TMEM53: variants seen among roughly 807,000 people sequenced by gnomAD.
TMEM53 encodes the protein novel DUF829 domain-containing protein.
In TMEM53, 14 loss-of-function variants were observed where a neutral mutation model predicts 21.4. The ratio of observed to expected loss-of-function variants is 0.65; its 90% CI spans 0.43 to 1.02. The LOEUF is 1.02. Ranked by LOEUF, TMEM53 falls within the 50% of genes least tolerant of loss-of-function variation. The pLI, the probability that TMEM53 is intolerant of heterozygous loss-of-function variation, is 0.00. For synonymous variants in TMEM53, 148 were observed against 157.4 expected (o/e 0.94, Z 0.45); for missense variants, 323 against 383.6 (o/e 0.84, Z 1.32).
intron 1 of TMEM53, among the ~76,000 whole-genome samples, chr1:44,671,337 A>G (rs574709834): frequency 5.9e-5 from 9 of 152,350 alleles, no homozygotes; most frequent in African/African-American, 2.2e-4. Context: ...AGCCTGACCT[A>G]CAAGGCCCAG....
intron 2 of TMEM53, among the ~76,000 whole-genome samples, chr1:44,659,098 AAC>A (rs1644876015): frequency 6.6e-6 from 1 of 152,200 alleles, no homozygotes; most frequent in South Asian, 2.1e-4. Context: ...TGTAAAAAGC[AAC>A]ACCAGAGCCC....
chr1:44,672,701 G>A (rs539565431), intron 1 of TMEM53, among the ~76,000 whole-genome samples: 1 of 151,860 alleles, frequency 6.6e-6, no homozygotes, highest in Admixed American at 6.6e-5. Flanking sequence ...CAGCCTCCTG[G>A]AGCAGCAAAG....
At chr1:44,659,855 CTTTTTTTTTTT>C (rs35618807) in intron 2 of TMEM53, among the ~76,000 whole-genome samples, 2 of 106,942 alleles carry the variant, frequency 1.9e-5, no homozygotes, top group Non-Finnish European at 3.7e-5. Flanking sequence ...TCCTCACAGG[CTTTTTTTTTTT>C]TTTTTTTTTT....
Position 44,655,004 on chromosome 1 carries a change from C to A in TMEM53, c.389G>T (p.Arg130Leu). The A allele has an allele frequency of 1.2e-6, 2 of 1,613,892 alleles. No homozygotes were observed. Among genetic ancestry groups the A allele is most frequent in the Non-Finnish European group, 1.7e-6 (2 of 1,179,850 alleles). ...YRYVLELLQTRRFCRLRVVGT... is the reference protein window; with the variant it reads ...YRYVLELLQTLRFCRLRVVGT... ...CACCACACGCAGGCGGCAGAAGCGA[C>A]GGGTCTGCAGGAGCTCCAGCACGTA... The change falls in exon 3 of 3, where the codon CGT becomes CTT. Residue 130 changes from arginine to leucine, a missense_variant. By Grantham distance (102) the Arg-to-Leu change is moderately radical. Coordinates refer to ENST00000372237, the MANE Select transcript of TMEM53 (RefSeq NM_024587.4). This position sits in a 1 kb window ranked among gnomAD's most constrained non-coding sequence, Gnocchi z 4.4.
At chr1:44,657,463 C>CA (rs368386153) in intron 2 of TMEM53, among the ~76,000 whole-genome samples, 2 of 151,966 alleles carry the variant, frequency 1.3e-5, no homozygotes, top group African/African-American at 2.4e-5. Flanking sequence ...TATACCCCCC[C>CA]AAAAAGCTGG....
chr1:44,654,558 C>T lies in TMEM53; in HGVS notation c.*1G>A. The T allele has an allele frequency of 6.2e-7, 1 of 1,601,504 alleles. No individual in the cohort carries two copies. ...AGCAGAGGTGAGATGGAGCAATGGC[C>T]TCAGCAGCGGACGCAGTTGCGCATG... On this transcript the variant is annotated 3_prime_UTR_variant, in exon 3 of 3. Transcript: ENST00000372237. The surrounding 1 kb of genome is among the most constrained non-coding windows in gnomAD (Gnocchi z 7.0).
chr1:44,653,425 C>G lies in TMEM53; in HGVS notation c.*1134G>C, dbSNP rs904574197. On this transcript the variant is annotated 3_prime_UTR_variant, in exon 3 of 3. Coordinates refer to ENST00000372237, the MANE Select transcript of TMEM53 (RefSeq NM_024587.4). ...AGTTTGCTATTTCAGCCCAAATCCCCTTACCCTGGTTCTGGTCTTTAGGGC... is the reference window on the plus strand; with the variant it reads ...AGTTTGCTATTTCAGCCCAAATCCCGTTACCCTGGTTCTGGTCTTTAGGGC... 1 of 152,240 alleles carries G rather than the reference C, an allele frequency of 6.6e-6. No homozygotes were observed. Among genetic ancestry groups the G allele is most frequent in the Non-Finnish European group, 1.5e-5 (1 of 68,042 alleles). The allele number at this position is 152,240 out of a possible 1,614,324, so 9.4% of individuals were successfully genotyped here.
In TMEM53 at chr1:44,654,739, C is replaced by T. The variant is rs745530946; in HGVS notation, c.654G>A (p.Arg218=). The change falls in exon 3 of 3, where the codon AGG becomes AGA. Residue 218 remains arginine, a synonymous_variant. Coordinates refer to ENST00000372237, the MANE Select transcript of TMEM53 (RefSeq NM_024587.4). The surrounding 1 kb of genome is among the most constrained non-coding windows in gnomAD (Gnocchi z 7.0). Reference sequence around the variant, plus strand: ...CTCTGGCCAGGACTACTTCGTCAGCCCTCGAGTAGAGGTAGAGCTCGGGCC... The same window carrying T: ...CTCTGGCCAGGACTACTTCGTCAGCTCTCGAGTAGAGGTAGAGCTCGGGCC... The part of the protein sequence containing the change: ...SRWPELYLYS[R]ADEVVLARDI... The T allele has an allele frequency of 4.5e-5, 72 of 1,613,980 alleles. No homozygotes were observed. Among genetic ancestry groups the T allele is most frequent in the Non-Finnish European group, 5.9e-5 (70 of 1,180,046 alleles).
intron 1 of TMEM53, among the ~76,000 whole-genome samples, chr1:44,669,226 T>C (rs1449533899): frequency 6.6e-6 from 1 of 152,258 alleles, no homozygotes; most frequent in Admixed American, 6.5e-5. Context: ...GGCAATATAT[T>C]GTGAACATTT....
intron 2 of TMEM53, among the ~76,000 whole-genome samples, chr1:44,659,724 A>T (rs1391147524): frequency 6.6e-6 from 1 of 152,096 alleles, no homozygotes; most frequent in African/African-American, 2.4e-5. Flanking sequence ...TGGGCTGCCC[A>T]TTGTGGAATG....
At chr1:44,656,519 A>C (rs1476959508) in intron 2 of TMEM53, among the ~76,000 whole-genome samples, 2 of 152,150 alleles carry the variant, frequency 1.3e-5, no homozygotes, top group African/African-American at 4.8e-5. Flanking sequence ...GAGGCTGCTT[A>C]AGGCCACCCA....
At chr1:44,660,423 G>A (rs1644890287) in intron 1 of TMEM53, 128 bp from the exon 2 acceptor site, 8 of 1,340,056 alleles carry the variant, frequency 6.0e-6, no homozygotes, top group Non-Finnish European at 8.1e-6. Context: ...CAGGCATCCT[G>A]CCAGCACGCA....
At chr1:44,667,128 C>G (rs1363282328) in intron 1 of TMEM53, among the ~76,000 whole-genome samples, 1 of 150,800 alleles carries the variant, frequency 6.6e-6, no homozygotes, top group Non-Finnish European at 1.5e-5. Context: ...CAGGCATGAG[C>G]CACCGCGCCT....
chr1:44,664,800 C>T (rs1644933353), intron 1 of TMEM53, among the ~76,000 whole-genome samples: 1 of 152,172 alleles, frequency 6.6e-6, no homozygotes, highest in Admixed American at 6.5e-5. Flanking sequence ...TAGGAGTTAG[C>T]TACTATTACT....
chr1:44,666,891 C>T (rs1256111624), intron 1 of TMEM53, among the ~76,000 whole-genome samples: 1 of 151,846 alleles, frequency 6.6e-6, no homozygotes, highest in Non-Finnish European at 1.5e-5. Flanking sequence ...GTCACCCAGG[C>T]TGGAATGCAG....
chr1:44,668,822 C>T (rs1573233133), intron 1 of TMEM53, among the ~76,000 whole-genome samples: 1 of 152,308 alleles, frequency 6.6e-6, no homozygotes, highest in East Asian at 1.9e-4. Flanking sequence ...GGATTACAGG[C>T]GTGAGCCACT....
chr1:44,663,029 C>G (rs1052212211), intron 1 of TMEM53, among the ~76,000 whole-genome samples: 1 of 152,168 alleles, frequency 6.6e-6, no homozygotes, highest in African/African-American at 2.4e-5. Flanking sequence ...CTCCCATAGC[C>G]CAAGCTTTCT....
At chr1:44,668,318 A>G (rs995503891) in intron 1 of TMEM53, among the ~76,000 whole-genome samples, 23 of 152,116 alleles carry the variant, frequency 1.5e-4, no homozygotes, top group Admixed American at 3.9e-4. Context: ...GCGGGCGCCT[A>G]TAGTCCCAGC....
intron 1 of TMEM53, chr1:44,673,994 G>A (rs796708192): frequency 4.1e-6 from 4 of 985,350 alleles, no homozygotes; most frequent in African/African-American, 3.5e-5. Flanking sequence ...CCAAACAAAG[G>A]AATCAGGAGG....
Sources: allele counts gnomAD v4.1 joint callset (sites outside exome capture counted in the v4.1 genomes callset), GRCh38; gene constraint gnomAD v4.1.1; non-coding constraint Gnocchi (gnomAD v3.1); transcripts MANE v1.5; gene names NCBI Gene and HGNC (gene_info 2026-07-23, HGNC 2026-07-21).